CCDC81: variants seen among roughly 807,000 people sequenced by gnomAD.
The protein encoded by CCDC81 is coiled-coil domain containing 81, also known as coiled-coil domain-containing protein 81.
A neutral mutation model predicts 83.7 loss-of-function variants in CCDC81; 79 were observed. The observed-to-expected ratio is 0.94, with a 90% CI of 0.79 to 1.14. The LOEUF is 1.14. CCDC81 is among the 50% of genes most tolerant of loss of function. The pLI is 0.00. For missense variants in CCDC81, 791 were observed against 778.1 expected (o/e 1.02, Z -0.20); for synonymous variants, 252 against 278.1 (o/e 0.91, Z 0.93).
chr11:86,380,964 T>C (rs553605995), intron 1 of CCDC81, among the ~76,000 whole-genome samples: 2 of 152,360 alleles, frequency 1.3e-5, no homozygotes, highest in Admixed American at 1.3e-4. Context: ...ATATTGTATG[T>C]TTTGCCTTTT....
chr11:86,408,824 T>A (rs1344743795), intron 9 of CCDC81, among the ~76,000 whole-genome samples: 1 of 152,184 alleles, frequency 6.6e-6, no homozygotes, highest in East Asian at 1.9e-4. Flanking sequence ...AAGGTCTGAA[T>A]TTTAAAGGTG....
At chr11:86,410,415 G>A (rs4944574) in intron 10 of CCDC81, among the ~76,000 whole-genome samples, 51,606 of 151,882 alleles carry the variant, frequency 0.34, 9,258 homozygotes, top group Admixed American at 0.41. Context: ...TAATAAATGC[G>A]ATGATAAATC....
chr11:86,382,189 T>C (rs1425508824), intron 1 of CCDC81, among the ~76,000 whole-genome samples: 1 of 152,218 alleles, frequency 6.6e-6, no homozygotes, highest in Non-Finnish European at 1.5e-5. Flanking sequence ...AGTTGAATTA[T>C]ATGATCAGTT....
In CCDC81 at chr11:86,395,334, A is replaced by C; in HGVS notation, c.556A>C (p.Arg186=). Residue 186 remains arginine (R), a splice_region_variant and synonymous_variant, in exon 5 of 15, where the codon AGG becomes CGG. Coordinates refer to ENST00000445632, the MANE Select transcript of CCDC81 (RefSeq NM_001156474.2). The part of the protein sequence containing the change: ...SGALAKALAN[R]PGTVDSVLSS... ...ACCTTGCTCTGTTGCTGTCCTCTAG[A>C]GGCCTGGCACTGTGGACTCGGTGTT... 6.2e-7 allele frequency: 1 copy of C among 1,613,866 alleles called. No homozygotes were observed. Among genetic ancestry groups the C allele is most frequent in the East Asian group, 2.2e-5 (1 of 44,870 alleles).
rs558186015 is a variant in CCDC81, at chr11:86,403,687, G to T, written c.881+2886G>T. ...AGGCTGAGAGTGAGGTAATATGGGT[G>T]GGACTCTGGGCTCTATTTCCTCACT... is the stretch of plus-strand genomic sequence containing the variant. On this transcript the variant is annotated intron_variant, in intron 7 of 14. Transcript: ENST00000445632. Among the ~76,000 whole-genome samples the T allele has an allele frequency of 3.3e-5, 5 of 152,282 alleles. No individual in the cohort carries two copies. The South Asian group carries it at 1.0e-3, about 32-fold the overall frequency.
At chr11:86,407,813 C>A in intron 8 of CCDC81, 112 bp downstream of exon 8, 3 of 783,964 alleles carry the variant, frequency 3.8e-6, no homozygotes, top group Non-Finnish European at 6.3e-6. Context: ...GGCTCAAGTA[C>A]TCAAGTACTC....
chr11:86,414,896 A>G, intron 12 of CCDC81, 29 bp downstream of exon 12: 1 of 1,545,570 alleles, frequency 6.5e-7, no homozygotes, highest in Non-Finnish European at 8.8e-7. Flanking sequence ...ATTATTTTTA[A>G]AATTATGCAA....
At chr11:86,408,896 C>T (rs1009274807) in intron 9 of CCDC81, among the ~76,000 whole-genome samples, 5 of 151,666 alleles carry the variant, frequency 3.3e-5, no homozygotes. Flanking sequence ...AGGCTTTTAC[C>T]CTTCAGATTC....
chr11:86,377,911 G>A (rs1948119097), intron 1 of CCDC81, among the ~76,000 whole-genome samples: 1 of 145,890 alleles, frequency 6.9e-6, no homozygotes, highest in Admixed American at 6.8e-5. Flanking sequence ...TCATATTTAG[G>A]TCTATGATCC....
intron 1 of CCDC81, among the ~76,000 whole-genome samples, chr11:86,376,188 C>A (rs996225698): frequency 1.1e-4 from 17 of 152,086 alleles, no homozygotes; most frequent in Non-Finnish European, 2.1e-4. Context: ...AATAATCACA[C>A]AAATCAATGC....
chr11:86,421,840 C>T (rs1245491794), intron 14 of CCDC81, among the ~76,000 whole-genome samples: 2 of 151,452 alleles, frequency 1.3e-5, no homozygotes, highest in Admixed American at 6.6e-5. Flanking sequence ...ATCGCTGGAG[C>T]CCAGGAAGTC....
intron 10 of CCDC81, among the ~76,000 whole-genome samples, chr11:86,410,773 T>G (rs966572387): frequency 1.3e-5 from 2 of 152,240 alleles, no homozygotes; most frequent in African/African-American, 2.4e-5. Flanking sequence ...GTAAGTGGCA[T>G]CACCAACCAG....
intron 3 of CCDC81, 90 bp downstream of exon 3, chr11:86,387,762 C>G (rs1948265215): frequency 1.1e-6 from 1 of 878,520 alleles, no homozygotes; most frequent in Non-Finnish European, 1.7e-6. Context: ...GTGCTGCTGT[C>G]TTACCTTCTT....
At chr11:86,404,314 C>T (rs1178717779) in intron 7 of CCDC81, among the ~76,000 whole-genome samples, 2 of 152,126 alleles carry the variant, frequency 1.3e-5, no homozygotes, top group African/African-American at 4.8e-5. Flanking sequence ...CAAATCTAGT[C>T]CACCATATAT....
intron 7 of CCDC81, among the ~76,000 whole-genome samples, chr11:86,401,362 C>T (rs1948484673): frequency 6.6e-6 from 1 of 152,126 alleles, no homozygotes; most frequent in South Asian, 2.1e-4. Context: ...CAACCATACT[C>T]AACCATGCTC....
chr11:86,397,638 T>C lies in CCDC81; in HGVS notation c.653T>C (p.Met218Thr), dbSNP rs1948425851. ...LAFPRIELKE[M>T]ENKLPMETLV... ...ATTCCTAGGATTGAGCTCAAGGAGA[T>C]GGAAAACAAACTGCCTATGGAGACC... Residue 218 changes from methionine (M) to threonine (T), a missense_variant, in exon 6 of 15, where the codon ATG (methionine) becomes ACG (threonine). Met to Thr is a moderately conservative substitution (Grantham distance 81). Coordinates refer to ENST00000445632, the MANE Select transcript of CCDC81 (RefSeq NM_001156474.2). The C allele has an allele frequency of 1.2e-6, 2 of 1,612,406 alleles. No individual in the cohort carries two copies. The highest frequency in any genetic ancestry group is 2.2e-5 in the East Asian group (1 of 44,772).
At chr11:86,390,974 A>AC (rs1948320854) in intron 3 of CCDC81, among the ~76,000 whole-genome samples, 2 of 152,330 alleles carry the variant, frequency 1.3e-5, no homozygotes, top group African/African-American at 4.8e-5. Context: ...GAAGAGATAA[A>AC]CAAGGACAAA....
chr11:86,392,734 G>T lies in CCDC81; in HGVS notation c.492G>T (p.Arg164Ser). 15 of 1,551,656 alleles carry T rather than the reference G, an allele frequency of 9.7e-6. No homozygotes were observed. Among genetic ancestry groups the T allele is most frequent in the Non-Finnish European group, 1.3e-5 (15 of 1,146,944 alleles). ...TCAGAGACAGCAAAGTGAAGATGAGGTTTTATAAAGACTTCCTTTGTACCA... is the reference window on the plus strand; with the variant it reads ...TCAGAGACAGCAAAGTGAAGATGAGTTTTTATAAAGACTTCCTTTGTACCA... ...LMIRDSKVKM[R>S]FYKDFLCTMD... Residue 164 changes from arginine (R) to serine (S), a missense_variant, in exon 4 of 15, where the codon AGG (arginine) becomes AGT (serine). Coordinates refer to ENST00000445632, the MANE Select transcript of CCDC81 (RefSeq NM_001156474.2).
chr11:86,417,935 T>C (rs917336816), intron 13 of CCDC81, among the ~76,000 whole-genome samples: 6 of 152,054 alleles, frequency 3.9e-5, no homozygotes, highest in Non-Finnish European at 8.8e-5. Flanking sequence ...ATTTGAAATA[T>C]TACCAGAAAC....
Sources: gnomAD v4.1 joint callset for allele counts (sites outside exome capture counted in the v4.1 genomes callset) on GRCh38, gnomAD v4.1.1 for gene constraint, MANE v1.5 for transcripts, NCBI Gene and HGNC (gene_info 2026-07-23, HGNC 2026-07-21) for gene names.